Variants in NELL2 observed in about 807,000 individuals in gnomAD.
The protein encoded by NELL2 is neural EGFL like 2.
NELL2 carries 41 observed loss-of-function variants against 109.6 expected under a neutral mutation model. That is an observed-to-expected ratio of 0.37 (90% CI 0.29 to 0.49). The LOEUF is 0.49. Among genes scored for constraint, NELL2 ranks in the 20% least tolerant of loss-of-function variants. NELL2 has a pLI of 0.98. For missense variants in NELL2, 900 were observed against 1,008.3 expected (o/e 0.89, Z 1.45); for synonymous variants, 355 against 344.7 (o/e 1.03, Z -0.33).
chr12:44,585,082 A>C (rs566992683), intron 15 of NELL2, among the ~76,000 whole-genome samples: 7 of 152,326 alleles, frequency 4.6e-5, no homozygotes, highest in African/African-American at 1.4e-4. Context: ...AAAATTGAAA[A>C]TATTCCTATC....
At chr12:44,538,259 T>C (rs1592086207) in intron 15 of NELL2, among the ~76,000 whole-genome samples, 1 of 152,182 alleles carries the variant, frequency 6.6e-6, no homozygotes, top group East Asian at 1.9e-4. Flanking sequence ...ACAGTGTATA[T>C]CTTAAAGTCA....
intron 12 of NELL2, among the ~76,000 whole-genome samples, chr12:44,687,129 C>G (rs769909212): frequency 6.6e-6 from 1 of 152,192 alleles, no homozygotes; most frequent in Non-Finnish European, 1.5e-5. Context: ...TTAAGCCCGT[C>G]GGAAATGCGC....
chr12:44,527,345 A>G (rs1941832301), intron 16 of NELL2, among the ~76,000 whole-genome samples: 1 of 152,238 alleles, frequency 6.6e-6, no homozygotes, highest in Non-Finnish European at 1.5e-5. Flanking sequence ...TCTCAGACAG[A>G]GACAAAATTT....
chr12:44,778,988 G>A (rs774100726), intron 5 of NELL2, among the ~76,000 whole-genome samples: 39 of 152,056 alleles, frequency 2.6e-4, no homozygotes, highest in Non-Finnish European at 8.8e-5. Context: ...ATCATTCATC[G>A]AGCCACTTCC....
chr12:44,520,031 T>C lies in NELL2; in HGVS notation c.2374A>G (p.Thr792Ala), dbSNP rs1941457146. 34 of 1,614,170 alleles carry C rather than the reference T, an allele frequency of 2.1e-5. No individual in the cohort carries two copies. Among genetic ancestry groups the C allele is most frequent in the Non-Finnish European group, 2.8e-5 (33 of 1,180,030 alleles). Residue 792 changes from threonine (T) to alanine (A), a missense_variant, in exon 19 of 20, where the codon ACT (threonine) becomes GCT (alanine). Transcript: ENST00000429094. ...FTGSSWIKHG[T>A]ECTLCQCKNG... Reference sequence around the variant, plus strand: ...TTGCACTGGCAGAGAGTACACTCAGTGCCATGTTTGATCCAAGAGGACCCG... The same window carrying C: ...TTGCACTGGCAGAGAGTACACTCAGCGCCATGTTTGATCCAAGAGGACCCG...
chr12:44,869,403 G>A (rs1043456360), intron 2 of NELL2, among the ~76,000 whole-genome samples: 3 of 152,116 alleles, frequency 2.0e-5, no homozygotes, highest in Admixed American at 2.0e-4. Flanking sequence ...TTTCATGAAA[G>A]GTAGCTTCAT....
At position 44,519,999 on chromosome 12, in the gene NELL2, G is replaced by T. The variant is rs368412808; in HGVS notation, c.2400+6C>A. ...GTGCTCACTATTTAAATTTAATGGA[G>T]TTTACCTTGCACTGGCAGAGAGTAC... On this transcript the variant is annotated splice_donor_region_variant and intron_variant, in intron 19 of 19. Transcript: ENST00000429094. 1.9e-6 allele frequency: 3 copies of T among 1,613,208 alleles called. No homozygotes were observed. The highest frequency in any genetic ancestry group is 2.5e-6 in the Non-Finnish European group (3 of 1,179,242).
Position 44,707,195 on chromosome 12 carries a change from T to C in NELL2, c.1190-3341A>G, listed in dbSNP as rs541618224. ...CACAGGATAGAGTCACACCAGCCAATGCAGTCCACTGGCCTGGACACAACA... is the reference window on the plus strand; with the variant it reads ...CACAGGATAGAGTCACACCAGCCAACGCAGTCCACTGGCCTGGACACAACA... On this transcript the variant is annotated intron_variant, in intron 11 of 19. Transcript: ENST00000429094. 2.2e-4 allele frequency among the ~76,000 whole-genome samples: 33 copies of C among 152,210 alleles called. No individual in the cohort carries two copies. In the South Asian group the frequency reaches 3.5e-3, roughly 16 times the overall value.
chr12:44,730,366 T>C (rs1939305435), intron 9 of NELL2, among the ~76,000 whole-genome samples: 1 of 152,056 alleles, frequency 6.6e-6, no homozygotes, highest in Non-Finnish European at 1.5e-5. Context: ...CAGAACATTC[T>C]CCAGGATAGA....
At chr12:44,769,657 T>C (rs935064124) in intron 9 of NELL2, among the ~76,000 whole-genome samples, 2 of 152,166 alleles carry the variant, frequency 1.3e-5, no homozygotes. Context: ...CCAAGAAACA[T>C]GTAAAGAATT....
At chr12:44,822,944 G>A (rs78867710) in intron 2 of NELL2, among the ~76,000 whole-genome samples, 1 of 152,038 alleles carries the variant, frequency 6.6e-6, no homozygotes, top group Non-Finnish European at 1.5e-5. Context: ...GAAAGGCAGG[G>A]GGAGGAGGAG....
At chr12:44,800,740 C>T (rs1308097729) in intron 3 of NELL2, among the ~76,000 whole-genome samples, 1 of 152,114 alleles carries the variant, frequency 6.6e-6, no homozygotes, top group African/African-American at 2.4e-5. Context: ...AAAGCCTGGC[C>T]TGTGTAGGAA....
At chr12:44,667,409 C>T (rs1947958930) in intron 12 of NELL2, among the ~76,000 whole-genome samples, 1 of 152,150 alleles carries the variant, frequency 6.6e-6, no homozygotes, top group Non-Finnish European at 1.5e-5. Flanking sequence ...AGTAAATTTT[C>T]TAGACTTTGG....
intron 12 of NELL2, among the ~76,000 whole-genome samples, chr12:44,699,044 T>C (rs1276286738): frequency 2.6e-5 from 4 of 152,148 alleles, no homozygotes; most frequent in Non-Finnish European, 4.4e-5. Context: ...ATAGAAGATA[T>C]AGTCAAAACA....
chr12:44,689,358 G>C (rs1948830740), intron 12 of NELL2, among the ~76,000 whole-genome samples: 1 of 152,106 alleles, frequency 6.6e-6, no homozygotes, highest in Admixed American at 6.5e-5. Flanking sequence ...TATTCAGAAA[G>C]ACTCAAAAAT....
intron 3 of NELL2, among the ~76,000 whole-genome samples, chr12:44,793,882 T>C (rs1942522402): frequency 6.6e-6 from 1 of 152,188 alleles, no homozygotes; most frequent in South Asian, 2.1e-4. Context: ...CACAAAATCG[T>C]ATGAATACAG....
At chr12:44,514,565 A>AATTTAAAT (rs1941165908) in intron 19 of NELL2, among the ~76,000 whole-genome samples, 1 of 114,044 alleles carries the variant, frequency 8.8e-6, no homozygotes, top group African/African-American at 7.0e-5. Context: ...TTACTGTGCC[A>AATTTAAAT]ACTTATAAAT....
intron 3 of NELL2, among the ~76,000 whole-genome samples, chr12:44,802,161 G>A (rs1158282807): frequency 6.6e-6 from 1 of 152,046 alleles, no homozygotes; most frequent in East Asian, 1.9e-4. Context: ...TAATGTGATT[G>A]AGCAAAACTC....
chr12:44,611,423 G>A (rs992761845), intron 13 of NELL2, among the ~76,000 whole-genome samples: 2 of 152,034 alleles, frequency 1.3e-5, no homozygotes, highest in Admixed American at 6.6e-5. Flanking sequence ...TTAGGTGCCT[G>A]CCGTTAACAC....
Sources: gnomAD v4.1 joint callset for allele counts (sites outside exome capture counted in the v4.1 genomes callset) on GRCh38, gnomAD v4.1.1 for gene constraint, MANE v1.5 for transcripts, NCBI Gene and HGNC (gene_info 2026-07-23, HGNC 2026-07-21) for gene names.